Variants in ERBB4 observed in about 807,000 individuals in gnomAD.
ERBB4 encodes the protein erb-b2 receptor tyrosine kinase 4.
Under a neutral mutation model 158.0 loss-of-function variants are expected in ERBB4, and 42 were observed. The ratio of observed to expected loss-of-function variants is 0.27; its 90% CI spans 0.21 to 0.34. The LOEUF (loss-of-function observed/expected upper bound fraction) is 0.34, where lower values mean the gene tolerates loss of function less well. Among genes scored for constraint, ERBB4 ranks in the 10% least tolerant of loss-of-function variants. The pLI is 1.00. For synonymous variants in ERBB4, 583 were observed against 558.7 expected (o/e 1.04, Z -0.61); for missense variants, 1,333 against 1,624.1 (o/e 0.82, Z 3.08).
At position 211,879,077 on chromosome 2, in the gene ERBB4, A is replaced by G. The variant is rs191472183; in HGVS notation, c.421+68353T>C. On this transcript the variant is annotated intron_variant, in intron 3 of 27. Coordinates refer to ENST00000342788, the MANE Select transcript of ERBB4 (RefSeq NM_005235.3). Reference sequence around the variant, plus strand: ...GTCATGGTTGGTAAATGCTGGGGCTATCTTAACCCAAGCTATCTGGTTGAA... The same window carrying G: ...GTCATGGTTGGTAAATGCTGGGGCTGTCTTAACCCAAGCTATCTGGTTGAA... Among the ~76,000 whole-genome samples the G allele has an allele frequency of 9.2e-4, 140 of 152,310 alleles. 1 individual carries two copies. The East Asian group carries it at 0.01, about 11-fold the overall frequency.
At chr2:212,084,009 G>T (rs2078527337) in intron 2 of ERBB4, among the ~76,000 whole-genome samples, 1 of 151,242 alleles carries the variant, frequency 6.6e-6, no homozygotes, top group Non-Finnish European at 1.5e-5. Context: ...CATGAGTGCA[G>T]TTGAAGTGTA....
chr2:211,681,923 G>A (rs541079115), intron 12 of ERBB4, among the ~76,000 whole-genome samples: 2 of 151,534 alleles, frequency 1.3e-5, no homozygotes, highest in Non-Finnish European at 2.9e-5. Flanking sequence ...GGTTTCCTCT[G>A]GTATTTTCTA....
At chr2:212,399,999 A>G (rs1357722758) in intron 1 of ERBB4, among the ~76,000 whole-genome samples, 3 of 152,140 alleles carry the variant, frequency 2.0e-5, no homozygotes, top group Non-Finnish European at 4.4e-5. Context: ...ATGAAATCAA[A>G]TGATATGTTA....
chr2:212,240,688 A>G (rs1411571318), intron 1 of ERBB4, among the ~76,000 whole-genome samples: 1 of 149,972 alleles, frequency 6.7e-6, no homozygotes, highest in African/African-American at 2.5e-5. Context: ...AGAAAAAAGG[A>G]CAGATAATTA....
At chr2:212,235,012 C>T (rs62182609) in intron 1 of ERBB4, among the ~76,000 whole-genome samples, 23,248 of 152,052 alleles carry the variant, frequency 0.15, 2,177 homozygotes, top group Non-Finnish European at 0.2. Flanking sequence ...GCTTGCGATG[C>T]CATTGGTGTT....
intron 5 of ERBB4, among the ~76,000 whole-genome samples, chr2:211,729,350 C>T (rs1203543483): frequency 6.6e-6 from 1 of 151,620 alleles, no homozygotes; most frequent in Non-Finnish European, 1.5e-5. Flanking sequence ...AAATTACATT[C>T]AACTTTAAAT....
At chr2:211,600,584 T>G (rs924879447) in intron 19 of ERBB4, among the ~76,000 whole-genome samples, 1 of 152,156 alleles carries the variant, frequency 6.6e-6, no homozygotes, top group Non-Finnish European at 1.5e-5. Flanking sequence ...TAAATTGCTA[T>G]TAAACTCTGT....
intron 11 of ERBB4, among the ~76,000 whole-genome samples, chr2:211,703,336 A>G (rs2073321484): frequency 6.6e-6 from 1 of 152,162 alleles, no homozygotes; most frequent in South Asian, 2.1e-4. Flanking sequence ...TTTCTTATTA[A>G]GCTCCTTTCT....
In ERBB4 at chr2:212,124,920, A is replaced by T; in HGVS notation, c.83-17T>A. The T allele has an allele frequency of 6.2e-7, 1 of 1,613,920 alleles. No homozygotes were observed. Among genetic ancestry groups the T allele is most frequent in the Non-Finnish European group, 8.5e-7 (1 of 1,179,784 alleles). On this transcript the variant is annotated splice_polypyrimidine_tract_variant and intron_variant, in intron 1 of 27. Transcript: ENST00000342788. ...CTGCACACACTGCAAAGACAAGAAG[A>T]TACACGTGAAATTACATAACCTTTA...
chr2:211,577,538 T>A (rs2067927707), intron 19 of ERBB4, among the ~76,000 whole-genome samples: 1 of 151,962 alleles, frequency 6.6e-6, no homozygotes, highest in Admixed American at 6.6e-5. Context: ...ATATCCCTGA[T>A]GAACATAGAT....
chr2:212,448,141 A>G (rs2062931), intron 1 of ERBB4, among the ~76,000 whole-genome samples: 24,647 of 152,122 alleles, frequency 0.16, 2,542 homozygotes, highest in Non-Finnish European at 0.23. Flanking sequence ...AGATAATATT[A>G]TCATGACATG....
intron 2 of ERBB4, among the ~76,000 whole-genome samples, chr2:212,031,223 C>T (rs2076895843): frequency 6.6e-6 from 1 of 152,104 alleles, no homozygotes; most frequent in Non-Finnish European, 1.5e-5. Context: ...TGAATTAAGG[C>T]TGTGACTTGC....
At chr2:211,384,569 G>T (rs890941566) in intron 27 of ERBB4, among the ~76,000 whole-genome samples, 19 of 151,988 alleles carry the variant, frequency 1.3e-4, no homozygotes, top group Non-Finnish European at 2.4e-4. Context: ...GCCTATACTG[G>T]TAACAAGGAT....
chr2:211,429,789 G>A (rs1163352682), intron 21 of ERBB4, among the ~76,000 whole-genome samples: 5 of 152,106 alleles, frequency 3.3e-5, no homozygotes, highest in South Asian at 2.1e-4. Flanking sequence ...TATGGACTAC[G>A]GACATTGTGT....
At chr2:211,654,089 C>A (rs1376094275) in intron 16 of ERBB4, among the ~76,000 whole-genome samples, 1 of 152,124 alleles carries the variant, frequency 6.6e-6, no homozygotes, top group South Asian at 2.1e-4. Context: ...ATTAAATTAG[C>A]GCTCTGCTTT....
At chr2:211,699,674 C>A (rs1452746977) in intron 12 of ERBB4, among the ~76,000 whole-genome samples, 2 of 151,760 alleles carry the variant, frequency 1.3e-5, no homozygotes, top group Non-Finnish European at 2.9e-5. Flanking sequence ...CCCCAAACTG[C>A]AAAGTCAATT....
intron 19 of ERBB4, among the ~76,000 whole-genome samples, chr2:211,581,344 A>G (rs1410549634): frequency 6.6e-6 from 1 of 152,166 alleles, no homozygotes; most frequent in African/African-American, 2.4e-5. Flanking sequence ...ATTCCCCAAA[A>G]GTAAAGTAAT....
chr2:211,580,151 T>G (rs2125766972), intron 19 of ERBB4, among the ~76,000 whole-genome samples: 1 of 152,262 alleles, frequency 6.6e-6, no homozygotes, highest in Middle Eastern at 3.4e-3. Flanking sequence ...ATTAAAGCAG[T>G]CTGTGGTTAG....
intron 12 of ERBB4, among the ~76,000 whole-genome samples, chr2:211,696,127 T>C (rs949212528): frequency 2.0e-5 from 3 of 147,026 alleles, no homozygotes; most frequent in African/African-American, 5.0e-5. Context: ...TTTCTTTCTC[T>C]TTCTCTCTTT....
Sources: allele counts gnomAD v4.1 joint callset (sites outside exome capture counted in the v4.1 genomes callset), GRCh38; gene constraint gnomAD v4.1.1; transcripts MANE v1.5; gene names NCBI Gene and HGNC (gene_info 2026-07-23, HGNC 2026-07-21).